The following RAB33B variants were observed in gnomAD, a reference collection of about 807,000 sequenced individuals.
RAB33B encodes ras-related protein Rab-33B.
Under a neutral mutation model 15.0 loss-of-function variants are expected in RAB33B, and 6 were observed. The observed-to-expected ratio is 0.40, with a 90% CI of 0.22 to 0.79. RAB33B has a LOEUF of 0.79. RAB33B is among the 30% of genes least tolerant of loss of function. The pLI is 0.37. For missense variants in RAB33B, 257 were observed against 296.4 expected (o/e 0.87, Z 0.98); for synonymous variants, 117 against 108.3 (o/e 1.08, Z -0.50).
At chr4:139,448,706 C>A (rs182877128), upstream of RAB33B, 1 of 152,326 alleles carries the variant, frequency 6.6e-6, no homozygotes, top group East Asian at 1.9e-4. Flanking sequence ...GCGTGAGCCA[C>A]AGCGCCCGAC....
upstream of RAB33B, chr4:139,451,447 T>C (rs887885280): frequency 6.8e-6 from 1 of 146,012 alleles, no homozygotes; most frequent in African/African-American, 2.5e-5. Context: ...CGATTTCAGC[T>C]CACTGCAACC....
intron 1 of RAB33B, among the ~76,000 whole-genome samples, chr4:139,456,201 C>T (rs1456206287): frequency 1.3e-5 from 2 of 152,140 alleles, no homozygotes; most frequent in East Asian, 3.9e-4. Context: ...ACCATTAGTT[C>T]TGCAGTTGTA....
intron 1 of RAB33B, among the ~76,000 whole-genome samples, 193 bp downstream of exon 1, chr4:139,454,637 A>T (rs1750027729): frequency 6.6e-6 from 1 of 152,218 alleles, no homozygotes; most frequent in Admixed American, 6.5e-5. Flanking sequence ...TTCATTGTGC[A>T]TGCGATTTAC....
intron 1 of RAB33B, among the ~76,000 whole-genome samples, chr4:139,468,093 C>T (rs1278017764): frequency 6.6e-6 from 1 of 151,824 alleles, no homozygotes; most frequent in Non-Finnish European, 1.5e-5. Context: ...TTTTTAGATC[C>T]CACAAATAAG....
At chr4:139,461,843 G>A (rs879879335) in intron 1 of RAB33B, among the ~76,000 whole-genome samples, 4 of 151,642 alleles carry the variant, frequency 2.6e-5, no homozygotes, top group African/African-American at 9.7e-5. Flanking sequence ...GGCAGAGGTT[G>A]CAATGAGCTG....
intron 1 of RAB33B, among the ~76,000 whole-genome samples, chr4:139,455,199 G>C (rs1750043838): frequency 6.6e-6 from 1 of 152,182 alleles, no homozygotes; most frequent in African/African-American, 2.4e-5. Flanking sequence ...TTGAAGTTCT[G>C]AGGGGTTGGA....
At chr4:139,443,118 G>A in the RAB33B span, among the ~76,000 whole-genome samples, 1 of 151,650 alleles carries the variant, frequency 6.6e-6, no homozygotes, top group Non-Finnish European at 1.5e-5. Context: ...TCAGCCTCCC[G>A]AGTAGCTGGG....
intron 1 of RAB33B, among the ~76,000 whole-genome samples, chr4:139,465,556 T>A (rs936007930): frequency 6.6e-6 from 1 of 152,200 alleles, no homozygotes; most frequent in Non-Finnish European, 1.5e-5. Context: ...CATCTTGAAT[T>A]AATTTTTGTA....
At chr4:139,453,902 G>A, upstream of RAB33B, 1 of 265,402 alleles carries the variant, frequency 3.8e-6, no homozygotes. Context: ...CCGCGCTGCC[G>A]TGAAGCCCCC....
chr4:139,461,222 G>A (rs558184490), intron 1 of RAB33B, among the ~76,000 whole-genome samples: 15 of 152,308 alleles, frequency 9.8e-5, no homozygotes, highest in South Asian at 2.1e-4. Flanking sequence ...TTGGTCAGAC[G>A]TAGGTCACAT....
intron 1 of RAB33B, among the ~76,000 whole-genome samples, chr4:139,465,043 A>G (rs981790283): frequency 6.6e-6 from 1 of 152,158 alleles, no homozygotes; most frequent in Non-Finnish European, 1.5e-5. Context: ...CATCCTCTCC[A>G]GCACCTGTTG....
At chr4:139,440,468 A>C in the RAB33B span, among the ~76,000 whole-genome samples, 1 of 152,116 alleles carries the variant, frequency 6.6e-6, no homozygotes, top group African/African-American at 2.4e-5. Context: ...CACAGATCTA[A>C]CGTTTTGAGG....
chr4:139,457,681 G>C (rs1387984007), intron 1 of RAB33B, among the ~76,000 whole-genome samples: 1 of 152,094 alleles, frequency 6.6e-6, no homozygotes, highest in African/African-American at 2.4e-5. Context: ...ACGGCACAAG[G>C]GTCAGCAAAC....
rs1434256081 is a variant in RAB33B at position 139,475,988 on chromosome 4, T to G, written c.*2862T>G. ...AAACAATCTTTTTTTCCTCCTGGTT[T>G]CCAGATAATATTATATATATGATAC... is the stretch of plus-strand genomic sequence containing the variant. On this transcript the variant is annotated 3_prime_UTR_variant, in exon 2 of 2. Coordinates refer to ENST00000305626, the MANE Select transcript of RAB33B (RefSeq NM_031296.3). 1 of 152,100 alleles carries G rather than the reference T, an allele frequency of 6.6e-6. No homozygotes were observed. The highest frequency in any genetic ancestry group is 1.5e-5 in the Non-Finnish European group (1 of 68,012). 9.4% of individuals were successfully genotyped at this position (152,100 alleles called of 1,614,324 possible). A position where few individuals can be genotyped will look rare whatever the true frequency, so the allele number is the denominator to read the frequency against.
intron 1 of RAB33B, among the ~76,000 whole-genome samples, 175 bp from the exon 2 acceptor site, chr4:139,472,511 A>G (rs768165122): frequency 1.1e-4 from 17 of 152,234 alleles, no homozygotes; most frequent in Non-Finnish European, 2.2e-4. Flanking sequence ...ATTGTGAGGT[A>G]ACTGGTATCA....
chr4:139,445,264 C>T, the RAB33B span, among the ~76,000 whole-genome samples: 1 of 152,266 alleles, frequency 6.6e-6, no homozygotes, highest in Non-Finnish European at 1.5e-5. Flanking sequence ...TATACCTTTA[C>T]TGTACTACCT....
chr4:139,459,795 C>T (rs1178519036), intron 1 of RAB33B, among the ~76,000 whole-genome samples: 2 of 151,958 alleles, frequency 1.3e-5, no homozygotes, highest in Non-Finnish European at 1.5e-5. Context: ...CACCCCACCC[C>T]GCTAATTTTT....
At chr4:139,439,251 C>T in the RAB33B span, among the ~76,000 whole-genome samples, 4 of 152,308 alleles carry the variant, frequency 2.6e-5, no homozygotes, top group Admixed American at 2.0e-4. Flanking sequence ...CCGCCCGCCT[C>T]GGCCTCCCAA....
upstream of RAB33B, chr4:139,454,093 C>A: frequency 7.3e-7 from 1 of 1,377,860 alleles, no homozygotes; most frequent in Non-Finnish European, 9.7e-7. Flanking sequence ...TGGGAAGTTG[C>A]GCAGCCGAAC....
Sources: allele counts gnomAD v4.1 joint callset (sites outside exome capture counted in the v4.1 genomes callset), GRCh38; gene constraint gnomAD v4.1.1; transcripts MANE v1.5; gene names NCBI Gene and HGNC (gene_info 2026-07-23, HGNC 2026-07-21).